SCARA5: variants seen among roughly 807,000 people sequenced by gnomAD.
SCARA5 encodes the protein scavenger receptor class A, member 5 (putative).
In SCARA5, 45 loss-of-function variants were observed where a neutral mutation model predicts 46.3. The ratio of observed to expected loss-of-function variants is 0.97; its 90% CI spans 0.76 to 1.24. The LOEUF (loss-of-function observed/expected upper bound fraction) is 1.24, where lower values mean the gene tolerates loss of function less well. Ranked by LOEUF, SCARA5 falls within the 50% of genes most tolerant of loss-of-function variation. The pLI is 0.00. For missense variants in SCARA5, 680 were observed against 689.0 expected (o/e 0.99, Z 0.15); for synonymous variants, 333 against 306.5 (o/e 1.09, Z -0.90).
At chr8:27,905,356 A>T (rs1232216080) in intron 6 of SCARA5, among the ~76,000 whole-genome samples, 1 of 152,048 alleles carries the variant, frequency 6.6e-6, no homozygotes, top group Non-Finnish European at 1.5e-5. Flanking sequence ...CTCTACAAAG[A>T]AGTAGAAAAT....
chr8:27,918,496 GGAGGAAAAA>G (rs1563524887), intron 4 of SCARA5, among the ~76,000 whole-genome samples: 3 of 39,492 alleles, frequency 7.6e-5, no homozygotes, highest in African/African-American at 2.9e-4. Flanking sequence ...TGGGCGAGGA[GGAGGAAAAA>G]GAGGAAAAGG....
At chr8:27,932,931 G>A (rs1008358471) in intron 3 of SCARA5, among the ~76,000 whole-genome samples, 9 of 152,204 alleles carry the variant, frequency 5.9e-5, no homozygotes, top group East Asian at 1.9e-4. Flanking sequence ...GCGCTTGGCC[G>A]TCCCTTCTGA....
intron 4 of SCARA5, among the ~76,000 whole-genome samples, chr8:27,916,757 T>C (rs968288174): frequency 1.3e-5 from 2 of 152,194 alleles, no homozygotes; most frequent in African/African-American, 4.8e-5. Flanking sequence ...AGACCCTAGA[T>C]GCAGTGGTGA....
chr8:27,979,366 T>C (rs188617234), intron 2 of SCARA5, among the ~76,000 whole-genome samples: 1 of 152,296 alleles, frequency 6.6e-6, no homozygotes, highest in Non-Finnish European at 1.5e-5. Flanking sequence ...GGTCTATGTA[T>C]CCATTTGGAA....
Position 27,938,573 on chromosome 8 carries a change from C to G in SCARA5, c.242-16328G>C, listed in dbSNP as rs142244852. On this transcript the variant is annotated intron_variant, in intron 3 of 8. Transcript: ENST00000354914. ...CTGTAGTCGATGTTCACTGACTTTC[C>G]CAGACCCCTTTCTTTGCATTTAAGG... 1.5e-4 allele frequency among the ~76,000 whole-genome samples: 23 copies of G among 152,250 alleles called. No individual in the cohort carries two copies. The East Asian group carries it at 3.5e-3, about 23-fold the overall frequency.
At chr8:27,962,977 A>G (rs141457952) in intron 3 of SCARA5, among the ~76,000 whole-genome samples, 35 of 152,324 alleles carry the variant, frequency 2.3e-4, no homozygotes, top group Admixed American at 7.2e-4. Context: ...GGAGGAGCCC[A>G]TATTTCCCTA....
intron 1 of SCARA5, among the ~76,000 whole-genome samples, chr8:27,988,871 G>C (rs1436402412): frequency 2.6e-5 from 4 of 152,104 alleles, no homozygotes; most frequent in Non-Finnish European, 1.5e-5. Context: ...GCCCAGTATG[G>C]AGCAAACTCA....
At chr8:27,908,805 T>C (rs1222831229) in intron 5 of SCARA5, among the ~76,000 whole-genome samples, 1 of 152,060 alleles carries the variant, frequency 6.6e-6, no homozygotes, top group Non-Finnish European at 1.5e-5. Flanking sequence ...TTTAGGGAGG[T>C]TCCCTGAGAG....
At chr8:27,927,524 G>A (rs974137033) in intron 3 of SCARA5, among the ~76,000 whole-genome samples, 3 of 151,654 alleles carry the variant, frequency 2.0e-5, no homozygotes, top group Non-Finnish European at 4.4e-5. Flanking sequence ...TTATTATATT[G>A]TAATCATTTT....
At chr8:27,981,339 C>T (rs1187820259) in intron 2 of SCARA5, among the ~76,000 whole-genome samples, 4 of 152,156 alleles carry the variant, frequency 2.6e-5, no homozygotes, top group African/African-American at 9.7e-5. Context: ...CACCCTTGGG[C>T]CCAAAGGGTC....
intron 3 of SCARA5, among the ~76,000 whole-genome samples, chr8:27,959,189 C>T (rs1044769542): frequency 5.9e-5 from 9 of 152,218 alleles, no homozygotes; most frequent in Admixed American, 2.0e-4. Context: ...GCTGAGATTG[C>T]ACCACTGCAC....
At chr8:27,915,759 T>C (rs2129790786) in intron 4 of SCARA5, among the ~76,000 whole-genome samples, 1 of 152,288 alleles carries the variant, frequency 6.6e-6, no homozygotes, top group East Asian at 1.9e-4. Flanking sequence ...CAGCCAATCA[T>C]CTCCCCTCTC....
At chr8:27,902,656 T>G (rs547402226) in intron 7 of SCARA5, among the ~76,000 whole-genome samples, 5 of 152,264 alleles carry the variant, frequency 3.3e-5, no homozygotes, top group African/African-American at 9.6e-5. Flanking sequence ...AGTTGTTTAT[T>G]TCTCAGAACT....
At chr8:27,932,915 G>A (rs904840073) in intron 3 of SCARA5, among the ~76,000 whole-genome samples, 7 of 152,232 alleles carry the variant, frequency 4.6e-5, no homozygotes, top group Non-Finnish European at 8.8e-5. Flanking sequence ...ACAGGCGTCA[G>A]CCACGGCGCT....
At position 27,889,475 on chromosome 8, in the gene SCARA5, A is replaced by G. The variant is rs114037630; in HGVS notation, c.1154-9709T>C. 8.5e-3 allele frequency among the ~76,000 whole-genome samples: 1,301 copies of G among 152,178 alleles called. 27 individuals are homozygous for G. The highest frequency in any genetic ancestry group is 0.03 in the African/African-American group (1,245 of 41,488). On this transcript the variant is annotated intron_variant, in intron 7 of 8. Transcript: ENST00000354914. ...CCAGAGAGGTGACGTGCCTTACCCA[A>G]GTCATCCCGTAGCTAGCAGAAGAGC...
intron 8 of SCARA5, among the ~76,000 whole-genome samples, chr8:27,877,767 G>A (rs766227519): frequency 3.9e-5 from 6 of 152,050 alleles, no homozygotes; most frequent in Non-Finnish European, 7.4e-5. Context: ...GGATCCCTTC[G>A]AACTCGCCCC....
Position 27,966,560 on chromosome 8 carries a change from G to C in SCARA5, c.113-18C>G. ...ACATGGACCTGGACAATAAGGGTAA[G>C]AGGAGGAAGGAAAGAAGACACTTAA... On this transcript the variant is annotated intron_variant, in intron 2 of 8. Transcript: ENST00000354914. 1 of 1,586,172 alleles carries C rather than the reference G, an allele frequency of 6.3e-7. No homozygotes were observed. Among genetic ancestry groups the C allele is most frequent in the Non-Finnish European group, 8.5e-7 (1 of 1,170,496 alleles).
At chr8:27,877,587 A>G (rs1563509906) in intron 8 of SCARA5, among the ~76,000 whole-genome samples, 1 of 150,402 alleles carries the variant, frequency 6.6e-6, no homozygotes, top group Non-Finnish European at 1.5e-5. Flanking sequence ...TTTTACTGCC[A>G]CTTATTAGGA....
intron 7 of SCARA5, among the ~76,000 whole-genome samples, chr8:27,891,664 C>T (rs1806986478): frequency 6.6e-6 from 1 of 152,210 alleles, no homozygotes. Flanking sequence ...ATGCAGAAGC[C>T]TCACTGTGAT....
Sources: gnomAD v4.1 joint callset for allele counts (sites outside exome capture counted in the v4.1 genomes callset) on GRCh38, gnomAD v4.1.1 for gene constraint, MANE v1.5 for transcripts, NCBI Gene and HGNC (gene_info 2026-07-23, HGNC 2026-07-21) for gene names.